SLC24A5: variants seen among roughly 807,000 people sequenced by gnomAD.
SLC24A5 encodes the protein solute carrier family 24 member 5.
In SLC24A5, 46 loss-of-function variants were observed where a neutral mutation model predicts 51.6. The ratio of observed to expected loss-of-function variants is 0.89; its 90% CI spans 0.70 to 1.14. The LOEUF (loss-of-function observed/expected upper bound fraction) is 1.14, where lower values mean the gene tolerates loss of function less well. Ranked by LOEUF, SLC24A5 falls within the 50% of genes most tolerant of loss-of-function variation. SLC24A5 has a pLI of 0.00. For synonymous variants in SLC24A5, 230 were observed against 214.9 expected (o/e 1.07, Z -0.62); for missense variants, 581 against 604.1 (o/e 0.96, Z 0.40).
intron 5 of SLC24A5, chr15:48,135,728 T>C (rs1481477017): frequency 6.6e-6 from 1 of 151,330 alleles, no homozygotes; most frequent in Non-Finnish European, 1.5e-5. Flanking sequence ...AAAAATGTAA[T>C]GGTGTCCATC....
At chr15:48,139,401 C>A (rs896331098) in intron 7 of SLC24A5, 1 of 373,318 alleles carries the variant, frequency 2.7e-6, no homozygotes, top group Non-Finnish European at 4.9e-6. Flanking sequence ...GCCTGGGGTA[C>A]AATTCAAGAG....
intron 8 of SLC24A5, 120 bp from the exon 9 acceptor site, chr15:48,141,909 C>A: frequency 1.4e-6 from 1 of 724,444 alleles, no homozygotes; most frequent in Non-Finnish European, 2.1e-6. Context: ...TTTGCTCTAA[C>A]AACAATTTTT....
intron 5 of SLC24A5, chr15:48,135,339 G>A (rs979961090): frequency 6.4e-5 from 11 of 173,212 alleles, no homozygotes; most frequent in Non-Finnish European, 1.2e-4. Flanking sequence ...CCTTGCCTTG[G>A]TTAGAAGTGT....
intron 8 of SLC24A5, 81 bp from the exon 9 acceptor site, chr15:48,141,948 C>A: frequency 9.8e-7 from 1 of 1,019,906 alleles, no homozygotes; most frequent in East Asian, 2.5e-5. Context: ...AAAAAGTATC[C>A]AGTGTTTCTT....
At chr15:48,129,443 A>G (rs1306720164) in intron 2 of SLC24A5, among the ~76,000 whole-genome samples, 1 of 152,124 alleles carries the variant, frequency 6.6e-6, no homozygotes. Context: ...ACTCAGCATG[A>G]CTACTCACCA....
At chr15:48,128,899 T>C (rs748881974) in intron 2 of SLC24A5, among the ~76,000 whole-genome samples, 1 of 152,180 alleles carries the variant, frequency 6.6e-6, no homozygotes, top group Non-Finnish European at 1.5e-5. Flanking sequence ...CCCACATGGA[T>C]AGCTGAAAGG....
At chr15:48,136,406 T>C (rs1351636153) in intron 5 of SLC24A5, 11 of 281,854 alleles carry the variant, frequency 3.9e-5, no homozygotes, top group Non-Finnish European at 5.9e-5. Flanking sequence ...TGCATTTTTA[T>C]ACCTATCATT....
At position 48,141,202 on chromosome 15, in the gene SLC24A5, G is replaced by A; in HGVS notation, c.1168G>A (p.Val390Ile). Residue 390 changes from valine (V) to isoleucine (I), a missense_variant, in exon 8 of 9, where the codon GTT (valine) becomes ATT (isoleucine). Val to Ile is a conservative substitution (Grantham distance 29). Coordinates refer to ENST00000341459, the MANE Select transcript of SLC24A5 (RefSeq NM_205850.3). ...ACCAGACACAATTGCAAGTGTGTTG[G>A]TTGCAAGAAAAGGTAAGAACTAGGT... ...SIPDTIASVL[V>I]ARKGKGDMAM... 4.3e-6 allele frequency: 7 copies of A among 1,613,138 alleles called. No homozygotes were observed. The highest frequency in any genetic ancestry group is 1.7e-5 in the Admixed American group (1 of 60,010).
intron 2 of SLC24A5, among the ~76,000 whole-genome samples, chr15:48,128,430 C>G (rs1567221775): frequency 6.6e-6 from 1 of 152,158 alleles, no homozygotes; most frequent in African/African-American, 2.4e-5. Flanking sequence ...AAAATTTTCA[C>G]TTACTCTGCT....
intron 2 of SLC24A5, among the ~76,000 whole-genome samples, chr15:48,130,505 C>A (rs1284239722): frequency 2.0e-5 from 3 of 152,088 alleles, no homozygotes; most frequent in Non-Finnish European, 4.4e-5. Flanking sequence ...AAAGGACCAC[C>A]TGTTGTCCTT....
intron 2 of SLC24A5, among the ~76,000 whole-genome samples, chr15:48,127,238 A>T (rs2038741307): frequency 6.6e-6 from 1 of 152,214 alleles, no homozygotes; most frequent in Non-Finnish European, 1.5e-5. Context: ...TACCTAGCAC[A>T]TAGAAAACAT....
chr15:48,130,764 G>A (rs957692004), intron 2 of SLC24A5, among the ~76,000 whole-genome samples: 9 of 151,934 alleles, frequency 5.9e-5, no homozygotes, highest in Admixed American at 3.9e-4. Flanking sequence ...CTTGGCTCTC[G>A]GTAACTATTT....
At chr15:48,123,668 C>T (rs1189303375) in intron 2 of SLC24A5, 1 of 152,060 alleles carries the variant, frequency 6.6e-6, no homozygotes, top group Non-Finnish European at 1.5e-5. Context: ...TAATGTCATG[C>T]CCATAATTGT....
At chr15:48,132,058 C>T (rs1264452144) in intron 2 of SLC24A5, among the ~76,000 whole-genome samples, 1 of 152,100 alleles carries the variant, frequency 6.6e-6, no homozygotes, top group Non-Finnish European at 1.5e-5. Context: ...TTATTAGGAT[C>T]CACAAGACCT....
chr15:48,127,452 A>G (rs2038743065), intron 2 of SLC24A5, among the ~76,000 whole-genome samples: 1 of 152,202 alleles, frequency 6.6e-6, no homozygotes, highest in Non-Finnish European at 1.5e-5. Flanking sequence ...GGTAGGAAGT[A>G]AGCTTATTAA....
intron 2 of SLC24A5, among the ~76,000 whole-genome samples, chr15:48,133,066 T>C (rs544727201): frequency 6.6e-6 from 1 of 151,892 alleles, no homozygotes; most frequent in East Asian, 1.9e-4. Context: ...CAACAGGTGG[T>C]CCCAGAGACA....
intron 2 of SLC24A5, among the ~76,000 whole-genome samples, chr15:48,128,423 A>T (rs879652096): frequency 3.7e-4 from 56 of 152,296 alleles, no homozygotes; most frequent in Non-Finnish European, 7.8e-4. Context: ...ATTTTAAAAA[A>T]TTTTCACTTA....
At chr15:48,132,484 A>G (rs796649363) in intron 2 of SLC24A5, among the ~76,000 whole-genome samples, 44 of 152,310 alleles carry the variant, frequency 2.9e-4, no homozygotes, top group African/African-American at 1.0e-3. Context: ...GCACATTAAA[A>G]AAGCATCTGG....
At chr15:48,134,022 T>C (rs965232614) in intron 2 of SLC24A5, among the ~76,000 whole-genome samples, 7 of 152,158 alleles carry the variant, frequency 4.6e-5, no homozygotes, top group Non-Finnish European at 1.0e-4. Flanking sequence ...ACCCTATGTT[T>C]GGCACTCAGG....
Sources: gnomAD v4.1 joint callset for allele counts (sites outside exome capture counted in the v4.1 genomes callset) on GRCh38, gnomAD v4.1.1 for gene constraint, MANE v1.5 for transcripts, NCBI Gene and HGNC (gene_info 2026-07-23, HGNC 2026-07-21) for gene names.